The following SORCS3 variants were observed in gnomAD, a reference collection of about 807,000 sequenced individuals.
SORCS3 encodes sortilin related VPS10 domain containing receptor 3, also known as VPS10 domain-containing receptor SorCS3.
SORCS3 carries 57 observed loss-of-function variants against 146.3 expected under a neutral mutation model. That is an observed-to-expected ratio of 0.39 (90% confidence interval 0.31 to 0.49). The LOEUF is 0.49. SORCS3 is among the 20% of genes least tolerant of loss of function. SORCS3 has a pLI of 0.92. For missense variants in SORCS3, 1,341 were observed against 1,575.5 expected, an observed-to-expected ratio of 0.85 and a Z score of 2.52; for synonymous variants, 653 against 618.5, an observed-to-expected ratio of 1.06 and a Z score of -0.83.
intron 3 of SORCS3, 119 bp from the exon 4 acceptor site, chr10:104,977,216 C>A: frequency 1.5e-6 from 1 of 688,038 alleles, no homozygotes; most frequent in Non-Finnish European, 2.1e-6. Context: ...TACAGAGGCC[C>A]AGATGCTCCT....
intron 4 of SORCS3, among the ~76,000 whole-genome samples, chr10:105,010,419 TC>T (rs2055127850): frequency 6.6e-6 from 1 of 152,234 alleles, no homozygotes; most frequent in African/African-American, 2.4e-5. Flanking sequence ...ATTGTTTTTC[TC>T]AGACAAGACC....
intron 1 of SORCS3, among the ~76,000 whole-genome samples, chr10:104,684,758 A>G (rs1295509190): frequency 7.9e-6 from 1 of 126,728 alleles, no homozygotes; most frequent in East Asian, 2.5e-4. Flanking sequence ...AATGTCAGGT[A>G]TTGGTTGGAA....
chr10:104,957,031 T>C (rs765039896), intron 3 of SORCS3, among the ~76,000 whole-genome samples: 2 of 152,188 alleles, frequency 1.3e-5, no homozygotes, highest in Non-Finnish European at 2.9e-5. Context: ...CTTGTCCACC[T>C]TCTCTGGACA....
chr10:105,262,329 A>G lies in SORCS3; in HGVS notation c.3444-2A>G. 6.2e-7 allele frequency: 1 copy of G among 1,612,136 alleles called. No homozygotes were observed. Among genetic ancestry groups the G allele is most frequent in the Non-Finnish European group, 8.5e-7 (1 of 1,178,494 alleles). On this transcript the variant is annotated splice_acceptor_variant, in intron 25 of 26. Transcript: ENST00000369701. LOFTEE classifies it high-confidence loss of function. ...ACCTGATTTTGCTCCTGTCCCATGTAGGAAAATCCCTTGGATTAACATCTA... is the reference window on the plus strand; with the variant it reads ...ACCTGATTTTGCTCCTGTCCCATGTGGGAAAATCCCTTGGATTAACATCTA...
In SORCS3 at chr10:104,895,933, C is replaced by T. The variant is rs186009745; in HGVS notation, c.696-19900C>T. 2.8e-3 allele frequency among the ~76,000 whole-genome samples: 421 copies of T among 152,184 alleles called. 1 individual carries two copies. Among genetic ancestry groups the T allele is most frequent in the Non-Finnish European group, 4.4e-3 (299 of 67,990 alleles). The stretch of plus-strand genomic sequence containing the variant: ...ATGAATCTCAGGATTTTTGTTTTTC[C>T]CTCCAATGGGAATAAATAGAAAGCA... On this transcript the variant is annotated intron_variant, in intron 2 of 26. Transcript: ENST00000369701.
At chr10:104,674,342 A>C (rs1483740696) in intron 1 of SORCS3, among the ~76,000 whole-genome samples, 1 of 152,230 alleles carries the variant, frequency 6.6e-6, no homozygotes, top group Admixed American at 6.5e-5. Context: ...CTTGTAGTGA[A>C]TAGTATTTGG....
At chr10:104,711,267 AG>A (rs1047509420) in intron 1 of SORCS3, among the ~76,000 whole-genome samples, 4 of 152,210 alleles carry the variant, frequency 2.6e-5, no homozygotes, top group Non-Finnish European at 5.9e-5. Context: ...ATAATTGCCC[AG>A]GGTTGCACAC....
rs138161328 is a variant in SORCS3 at position 104,963,880 on chromosome 10, A to T, written c.796-13455A>T. Among the ~76,000 whole-genome samples the T allele has an allele frequency of 3.3e-3, 496 of 152,300 alleles. 5 individuals are homozygous for T. Among genetic ancestry groups the T allele is most frequent in the African/African-American group, 0.011 (443 of 41,566 alleles). On this transcript the variant is annotated intron_variant, in intron 3 of 26. Coordinates refer to ENST00000369701, the MANE Select transcript of SORCS3 (RefSeq NM_014978.3). ...TTATTAGAAACATTGAGATGAATGT[A>T]CAGTTTAAAAATCTTTTAAGGGGTC... is the stretch of plus-strand genomic sequence containing the variant.
chr10:104,913,766 C>CTTTTTTTT (rs35484660), intron 2 of SORCS3, among the ~76,000 whole-genome samples: 3 of 106,482 alleles, frequency 2.8e-5, no homozygotes, highest in African/African-American at 3.8e-5. Flanking sequence ...TATCCCCATT[C>CTTTTTTTT]TTTTTTTTTT....
intron 24 of SORCS3, 132 bp from the exon 25 acceptor site, chr10:105,256,687 C>T (rs1589713876): frequency 4.6e-6 from 3 of 657,326 alleles, no homozygotes; most frequent in Non-Finnish European, 7.9e-6. Context: ...ACCCAGATAT[C>T]AGGCAGGGGA....
At chr10:104,822,137 C>G (rs1269871707) in intron 1 of SORCS3, 1 of 517,866 alleles carries the variant, frequency 1.9e-6, no homozygotes, top group Non-Finnish European at 3.9e-6. Context: ...GGAATCTGAT[C>G]TGTCCTCAGT....
At chr10:104,646,958 T>A (rs2015503095) in intron 1 of SORCS3, among the ~76,000 whole-genome samples, 1 of 152,096 alleles carries the variant, frequency 6.6e-6, no homozygotes, top group Admixed American at 6.5e-5. Flanking sequence ...AGCTTTGCCT[T>A]ACACATGGTT....
chr10:104,644,262 G>A (rs868112407), intron 1 of SORCS3, among the ~76,000 whole-genome samples: 7 of 152,352 alleles, frequency 4.6e-5, no homozygotes, highest in Middle Eastern at 3.4e-3. Flanking sequence ...GTAGGGCCAC[G>A]CACTGTCCTC....
At chr10:104,834,515 G>C (rs1270542223) in intron 1 of SORCS3, among the ~76,000 whole-genome samples, 2 of 152,002 alleles carry the variant, frequency 1.3e-5, no homozygotes, top group Non-Finnish European at 2.9e-5. Context: ...GTTTCTCATA[G>C]AGGCCTCTTC....
At chr10:104,973,784 T>C (rs1343527609) in intron 3 of SORCS3, among the ~76,000 whole-genome samples, 2 of 146,018 alleles carry the variant, frequency 1.4e-5, no homozygotes, top group South Asian at 2.1e-4. Flanking sequence ...TTAATTGTGA[T>C]GTTAGGGTGT....
At chr10:105,049,286 C>G (rs2055395288) in intron 5 of SORCS3, among the ~76,000 whole-genome samples, 1 of 152,120 alleles carries the variant, frequency 6.6e-6, no homozygotes, top group Admixed American at 6.6e-5. Context: ...TCCTGACCAT[C>G]ATGGGAGTTA....
intron 3 of SORCS3, among the ~76,000 whole-genome samples, chr10:104,969,119 A>G (rs1485979452): frequency 1.3e-5 from 2 of 152,194 alleles, no homozygotes; most frequent in African/African-American, 2.4e-5. Flanking sequence ...TTCTGACAAA[A>G]TATTTGCTCT....
rs1469373394 is a variant in SORCS3 at position 105,147,782 on chromosome 10, A to G, written c.1468A>G (p.Ile490Val). Reference protein sequence around the residue: ...SSRGLMGNIIIELYEVAGIKG... With the variant: ...SSRGLMGNIIVELYEVAGIKG... ...CAGAGGTCTAATGGGGAACATCATTATTGAATTGTATGAGGTATGTAGCCA... is the reference window on the plus strand; with the variant it reads ...CAGAGGTCTAATGGGGAACATCATTGTTGAATTGTATGAGGTATGTAGCCA... The change falls in exon 9 of 27, where the codon ATT becomes GTT. Residue 490 changes from isoleucine to valine, a missense_variant. Transcript: ENST00000369701. The G allele has an allele frequency of 5.6e-6, 9 of 1,611,634 alleles. No individual in the cohort carries two copies. In the Admixed American group the frequency reaches 1.3e-4, roughly 24 times the overall value.
chr10:105,243,830 G>T (rs981808806), intron 20 of SORCS3, among the ~76,000 whole-genome samples: 3 of 152,128 alleles, frequency 2.0e-5, no homozygotes, highest in Non-Finnish European at 4.4e-5. Context: ...TTGTTTCAAG[G>T]CCAGTTGAAA....
Sources: allele counts gnomAD v4.1 joint callset (sites outside exome capture counted in the v4.1 genomes callset), GRCh38; gene constraint gnomAD v4.1.1; transcripts MANE v1.5; gene names NCBI Gene and HGNC (gene_info 2026-07-23, HGNC 2026-07-21).